The following CAST variants were observed in gnomAD, a reference collection of about 807,000 sequenced individuals.
CAST encodes MIR583 host.
In CAST, 76 loss-of-function variants were observed where a neutral mutation model predicts 119.6. The ratio of observed to expected loss-of-function variants is 0.64; its 90% CI spans 0.53 to 0.77. The LOEUF is 0.77. Ranked by LOEUF, CAST falls within the 30% of genes least tolerant of loss-of-function variation. The pLI, the probability that CAST is intolerant of heterozygous loss-of-function variation, is 0.00. For missense variants in CAST, 953 were observed against 946.5 expected (o/e 1.01, Z -0.09); for synonymous variants, 319 against 331.6 (o/e 0.96, Z 0.41).
In CAST at chr5:96,582,618, C is replaced by T. The variant is rs867762092; in HGVS notation, c.60+52738C>T. On this transcript the variant is annotated intron_variant, in intron 1 of 11. Transcript: ENST00000505143. ...AATGGCATCTCATTATGTACTGGGA[C>T]GGAGTGAGCAGTGCGCGGCTGGAAG... Among the ~76,000 whole-genome samples, 15 of 152,274 alleles carry T rather than the reference C, an allele frequency of 9.9e-5. 1 individual carries two copies. The highest frequency in any genetic ancestry group is 7.8e-4 in the Admixed American group (12 of 15,294).
chr5:95,993,915 C>T, the CAST span, among the ~76,000 whole-genome samples: 3,336 of 151,982 alleles, frequency 0.022, 115 homozygotes, highest in African/African-American at 0.076. Flanking sequence ...AACTAATTTG[C>T]ATTAATTTAA....
At chr5:96,505,405 G>A in the CAST span, among the ~76,000 whole-genome samples, 14 of 151,998 alleles carry the variant, frequency 9.2e-5, no homozygotes, top group African/African-American at 2.9e-4. Context: ...ACTTGAACCC[G>A]GGAGGTGGAG....
chr5:96,052,991 T>C, the CAST span, among the ~76,000 whole-genome samples: 1 of 152,142 alleles, frequency 6.6e-6, no homozygotes, highest in Non-Finnish European at 1.5e-5. Context: ...CCCAGAGACT[T>C]GAAGATCTTG....
chr5:96,294,600 AGCATTTAT>A, the CAST span, among the ~76,000 whole-genome samples: 1 of 152,246 alleles, frequency 6.6e-6, no homozygotes, highest in African/African-American at 2.4e-5. Context: ...GAAATCTGTA[AGCATTTAT>A]GCAGATTCTA....
intron 22 of CAST, among the ~76,000 whole-genome samples, chr5:96,755,802 G>A (rs1215814191): frequency 1.3e-5 from 2 of 152,190 alleles, no homozygotes; most frequent in African/African-American, 4.8e-5. Context: ...TTCAGTTGCA[G>A]CCATAGCGTT....
intron 1 of CAST, among the ~76,000 whole-genome samples, chr5:96,625,067 A>G (rs1319434136): frequency 6.6e-6 from 1 of 152,222 alleles, no homozygotes; most frequent in Non-Finnish European, 1.5e-5. Flanking sequence ...AGGCAGAAAC[A>G]AGGTGCACTT....
chr5:96,389,998 A>T, the CAST span, among the ~76,000 whole-genome samples: 1 of 152,180 alleles, frequency 6.6e-6, no homozygotes, highest in African/African-American at 2.4e-5. Flanking sequence ...AGGATTTCAC[A>T]CTTAGCTGCT....
the CAST span, among the ~76,000 whole-genome samples, chr5:96,055,955 A>T: frequency 1.4e-4 from 22 of 152,216 alleles, no homozygotes; most frequent in African/African-American, 4.6e-4. Flanking sequence ...TACAAAAAAA[A>T]CCCAGCCAGT....
intron 1 of CAST, among the ~76,000 whole-genome samples, chr5:96,604,926 C>A (rs879611727): frequency 6.6e-6 from 1 of 152,124 alleles, no homozygotes; most frequent in Admixed American, 6.5e-5. Flanking sequence ...TGCCACTTGT[C>A]CAGGCAAACG....
chr5:96,127,990 G>T, the CAST span, among the ~76,000 whole-genome samples: 1 of 152,072 alleles, frequency 6.6e-6, no homozygotes, highest in South Asian at 2.1e-4. Flanking sequence ...TGTCAGCTTT[G>T]AATAAGGTCA....
chr5:96,493,436 G>T, the CAST span, among the ~76,000 whole-genome samples: 560 of 152,274 alleles, frequency 3.7e-3, 5 homozygotes, highest in African/African-American at 0.012. Flanking sequence ...ATAAGGAAAA[G>T]TGGCTCAGCT....
At chr5:95,982,360 A>G in the CAST span, among the ~76,000 whole-genome samples, 1 of 152,022 alleles carries the variant, frequency 6.6e-6, no homozygotes, top group East Asian at 1.9e-4. Flanking sequence ...TATTCCATGT[A>G]TAGATTTGTG....
At chr5:96,368,591 C>A in the CAST span, among the ~76,000 whole-genome samples, 1 of 151,948 alleles carries the variant, frequency 6.6e-6, no homozygotes, top group Non-Finnish European at 1.5e-5. Flanking sequence ...CTCTTGGAGC[C>A]TTCTGATTCG....
the CAST span, among the ~76,000 whole-genome samples, chr5:96,087,768 A>G: frequency 6.6e-6 from 1 of 152,222 alleles, no homozygotes; most frequent in Non-Finnish European, 1.5e-5. Context: ...AAATCAGGTT[A>G]ACTTTTATAT....
the CAST span, among the ~76,000 whole-genome samples, chr5:96,452,976 A>AAAAAAAAAAAGG: frequency 7.0e-6 from 1 of 142,352 alleles, no homozygotes; most frequent in South Asian, 2.1e-4. Flanking sequence ...AAAAAAAAAA[A>AAAAAAAAAAAGG]CAGAAGAAAG....
chr5:96,754,171 A>G lies in CAST; in HGVS notation c.1626+10A>G, dbSNP rs752312010. 6.1e-6 allele frequency: 9 copies of G among 1,464,724 alleles called. No homozygotes were observed. The Admixed American group carries it at 6.7e-5, about 11-fold the overall frequency. 90.7% of individuals were successfully genotyped at this position (1,464,724 alleles called of 1,614,324 possible). On this transcript the variant is annotated intron_variant, in intron 21 of 31. Transcript: ENST00000675179. ...GATGGATAAAGTCAAGGTAATGGCAACTGAGATGCTTCTGGAAAATAAATA... is the reference window on the plus strand; with the variant it reads ...GATGGATAAAGTCAAGGTAATGGCAGCTGAGATGCTTCTGGAAAATAAATA...
chr5:96,589,281 T>C (rs921039381), intron 1 of CAST, among the ~76,000 whole-genome samples: 2 of 152,214 alleles, frequency 1.3e-5, no homozygotes, highest in African/African-American at 4.8e-5. Flanking sequence ...AGAAAGATGC[T>C]TGGATCTTTT....
At chr5:96,034,220 A>C in the CAST span, among the ~76,000 whole-genome samples, 1 of 152,170 alleles carries the variant, frequency 6.6e-6, no homozygotes, top group Admixed American at 6.6e-5. Context: ...ATCATTTATC[A>C]TCAGGGAAAT....
the CAST span, among the ~76,000 whole-genome samples, chr5:96,402,300 CAG>C: frequency 6.6e-6 from 1 of 152,228 alleles, no homozygotes; most frequent in South Asian, 2.1e-4. Context: ...CATGCAGACA[CAG>C]TGTGCAGTTT....
Sources: allele counts gnomAD v4.1 joint callset (sites outside exome capture counted in the v4.1 genomes callset), GRCh38; gene constraint gnomAD v4.1.1; transcripts MANE v1.5; gene names NCBI Gene and HGNC (gene_info 2026-07-23, HGNC 2026-07-21).